PECAM1: variants seen among roughly 807,000 people sequenced by gnomAD.
PECAM1 encodes the protein platelet endothelial cell adhesion molecule.
In PECAM1, 8 loss-of-function variants were observed where a neutral mutation model predicts 13.8. The ratio of observed to expected loss-of-function variants is 0.58; its 90% CI spans 0.34 to 1.05. The LOEUF is 1.05. Among genes scored for constraint, PECAM1 ranks in the 50% least tolerant of loss-of-function variants. The pLI is 0.03. For missense variants in PECAM1, 304 were observed against 141.2 expected, an observed-to-expected ratio of 2.15 and a Z score of -5.84; for synonymous variants, 136 against 52.6, an observed-to-expected ratio of 2.58 and a Z score of -6.86.
At chr17:64,382,375 T>C (rs1303380005) in intron 2 of PECAM1, among the ~76,000 whole-genome samples, 1 of 152,170 alleles carries the variant, frequency 6.6e-6, no homozygotes, top group Non-Finnish European at 1.5e-5. Flanking sequence ...AGTCCCTAAA[T>C]TTCTCTGAGC....
Position 64,389,980 on chromosome 17 carries a change from G to A in PECAM1, c.91+509C>T, listed in dbSNP as rs1469424695. 2.6e-5 allele frequency among the ~76,000 whole-genome samples: 4 copies of A among 151,894 alleles called. No homozygotes were observed. The East Asian group carries it at 5.8e-4, about 22-fold the overall frequency. On this transcript the variant is annotated intron_variant, in intron 2 of 15. Coordinates refer to ENST00000563924, the MANE Select transcript of PECAM1 (RefSeq NM_000442.5). ...GGAGAATCCCTTGAACCCAGGAGGC[G>A]GAGTTTGCAGAGAGCCGGGATTGCA...
intron 13 of PECAM1, among the ~76,000 whole-genome samples, chr17:64,344,413 T>A (rs1050738722): frequency 1.5e-4 from 23 of 152,226 alleles, no homozygotes; most frequent in Non-Finnish European, 2.8e-4. Flanking sequence ...TGTTTTTCTC[T>A]GTGTTAACAG....
intron 7 of PECAM1, among the ~76,000 whole-genome samples, chr17:64,356,691 C>A (rs916878204): frequency 6.6e-6 from 1 of 151,972 alleles, no homozygotes; most frequent in Non-Finnish European, 1.5e-5. Flanking sequence ...GGGGTTTTGC[C>A]CTGTTGGCCA....
intron 2 of PECAM1, among the ~76,000 whole-genome samples, chr17:64,381,627 TAAC>T (rs1298136919): frequency 1.3e-5 from 2 of 152,188 alleles, no homozygotes; most frequent in Non-Finnish European, 2.9e-5. Flanking sequence ...GCAATTAATT[TAAC>T]AACAACAACG....
At chr17:64,356,027 C>A in intron 8 of PECAM1, 84 bp downstream of exon 8, 4 of 473,104 alleles carry the variant, frequency 8.5e-6, no homozygotes, top group South Asian at 6.9e-5. Context: ...AGACTCCCCC[C>A]CAACTCCCTC....
intron 13 of PECAM1, among the ~76,000 whole-genome samples, chr17:64,341,979 G>A (rs2143734254): frequency 6.6e-6 from 1 of 152,088 alleles, no homozygotes; most frequent in Non-Finnish European, 1.5e-5. Context: ...GCGAAACCCC[G>A]TCTCTACTAA....
chr17:64,344,386 G>A (rs1201347462), intron 13 of PECAM1, among the ~76,000 whole-genome samples: 2 of 152,030 alleles, frequency 1.3e-5, no homozygotes, highest in Non-Finnish European at 2.9e-5. Context: ...TTCCGGATGG[G>A]GCTTTATTTT....
Position 64,363,339 on chromosome 17 carries a change from T to C in PECAM1, c.1026A>G (p.Arg342=). 2.1e-6 allele frequency: 1 copy of C among 475,348 alleles called. No individual in the cohort carries two copies. 29.4% of individuals were successfully genotyped at this position (475,348 alleles called of 1,614,324 possible). The stretch of plus-strand genomic sequence containing the variant: ...CTGGGATGGAGCAGGACAGGTTCAG[T>C]CTTTCACCTTGGTCCAGATGTGTGA... ...SSFTHLDQGE[R]LNLSCSIPGA... Residue 342 remains arginine, a synonymous_variant, in exon 6 of 16, where the codon AGA becomes AGG. Transcript: ENST00000563924.
At chr17:64,334,697 T>C (rs962232954) in intron 14 of PECAM1, among the ~76,000 whole-genome samples, 14 of 152,014 alleles carry the variant, frequency 9.2e-5, no homozygotes, top group Admixed American at 2.0e-4. Context: ...TTAGTAGAGA[T>C]GGGGTTTCAC....
At chr17:64,352,226 G>A (rs2035740883) in intron 11 of PECAM1, among the ~76,000 whole-genome samples, 164 bp downstream of exon 11, 2 of 152,112 alleles carry the variant, frequency 1.3e-5, no homozygotes, top group African/African-American at 2.4e-5. Flanking sequence ...TTACGTTTCC[G>A]TATATTACAT....
chr17:64,390,790 C>T lies in PECAM1; in HGVS notation c.-125G>A. The T allele has an allele frequency of 2.5e-6, 1 of 398,754 alleles. No homozygotes were observed. The highest frequency in any genetic ancestry group is 4.4e-6 in the Non-Finnish European group (1 of 226,070). 24.7% of individuals were successfully genotyped at this position (398,754 alleles called of 1,614,324 possible). On this transcript the variant is annotated 5_prime_UTR_variant, in exon 1 of 16. Coordinates refer to ENST00000563924, the MANE Select transcript of PECAM1 (RefSeq NM_000442.5). ...TGTGAAAAGCAGAAATTGCTCTGGTCACTTCTCCCGGCGCCTGCAGAGAGA... is the reference window on the plus strand; with the variant it reads ...TGTGAAAAGCAGAAATTGCTCTGGTTACTTCTCCCGGCGCCTGCAGAGAGA...
chr17:64,323,832 G>C lies in PECAM1; in HGVS notation c.2201C>G (p.Ser734Cys). 1.2e-6 allele frequency: 1 copy of C among 827,542 alleles called. No homozygotes were observed. The highest frequency in any genetic ancestry group is 1.3e-5 in the South Asian group (1 of 75,438). 51.3% of individuals were successfully genotyped at this position (827,542 alleles called of 1,614,324 possible). The change falls in exon 16 of 16, where the codon TCC becomes TGC. Residue 734 changes from serine (S) to cysteine (C), a missense_variant. Coordinates refer to ENST00000563924, the MANE Select transcript of PECAM1 (RefSeq NM_000442.5). ...VESRYSRTEG[S>C]LDGT ...CCTTGCTGTCTAAGTTCCATCAAGG[G>C]AGCCTTCCGTTCTCTGTAGCGACAA...
intron 14 of PECAM1, among the ~76,000 whole-genome samples, chr17:64,330,795 T>G (rs1419080105): frequency 6.6e-6 from 1 of 152,028 alleles, no homozygotes; most frequent in Non-Finnish European, 1.5e-5. Flanking sequence ...TTGGCTTTTT[T>G]GGGGGTGGGG....
In PECAM1 at chr17:64,390,751, T is replaced by G. The variant is rs2036702123; in HGVS notation, c.-86A>C. 7 of 406,552 alleles carry G rather than the reference T, an allele frequency of 1.7e-5. No homozygotes were observed. The South Asian group carries it at 8.9e-4, about 52-fold the overall frequency. The allele number at this position is 406,552 out of a possible 1,614,324, so 25.2% of individuals were successfully genotyped here. ...GAAGGCACTGCCCACAAGTCACCGT[T>G]GAGAAACCCGCCCTGTGAAAAGCAG... On this transcript the variant is annotated 5_prime_UTR_variant, in exon 1 of 16. Transcript: ENST00000563924.
intron 12 of PECAM1, among the ~76,000 whole-genome samples, chr17:64,350,155 C>T (rs1420563329): frequency 6.6e-5 from 10 of 152,070 alleles, no homozygotes; most frequent in Non-Finnish European, 1.5e-4. Flanking sequence ...GAGTATAACC[C>T]AGTTCTTCCC....
intron 14 of PECAM1, among the ~76,000 whole-genome samples, chr17:64,334,024 A>G (rs1180045240): frequency 1.3e-5 from 2 of 150,954 alleles, no homozygotes; most frequent in Non-Finnish European, 2.9e-5. Flanking sequence ...CAGAGAGTCA[A>G]TAGGGAAACT....
chr17:64,339,804 C>T (rs2035379147), intron 14 of PECAM1, among the ~76,000 whole-genome samples: 2 of 152,116 alleles, frequency 1.3e-5, no homozygotes, highest in Admixed American at 6.5e-5. Context: ...AAGAAGTGAT[C>T]GCTATTTCAG....
In PECAM1 at chr17:64,321,753, C is replaced by A; in HGVS notation, c.*2063G>T. ...TCCAGCCTGGGCAACAGAGCAAGCC[C>A]CTGTCTCAACAAAACAAAACAAAAC... On this transcript the variant is annotated 3_prime_UTR_variant, in exon 16 of 16. Coordinates refer to ENST00000563924, the MANE Select transcript of PECAM1 (RefSeq NM_000442.5). 1 of 1,267,148 alleles carries A rather than the reference C, an allele frequency of 7.9e-7. No individual in the cohort carries two copies. Among genetic ancestry groups the A allele is most frequent in the Non-Finnish European group, 1.0e-6 (1 of 965,668 alleles). The allele number at this position is 1,267,148 out of a possible 1,614,324, so 78.5% of individuals were successfully genotyped here.
intron 14 of PECAM1, among the ~76,000 whole-genome samples, chr17:64,340,995 G>C (rs1018611656): frequency 4.1e-4 from 62 of 152,098 alleles, no homozygotes; most frequent in African/African-American, 1.4e-3. Flanking sequence ...TACTCAGGAG[G>C]CTGAGGCAGG....
Sources: gnomAD v4.1 joint callset for allele counts (sites outside exome capture counted in the v4.1 genomes callset) on GRCh38, gnomAD v4.1.1 for gene constraint, MANE v1.5 for transcripts, NCBI Gene and HGNC (gene_info 2026-07-23, HGNC 2026-07-21) for gene names.